HEATR5B: variants seen among roughly 807,000 people sequenced by gnomAD.
The protein encoded by HEATR5B is HEAT repeat containing 5B, also known as HEAT repeat-containing protein 5B.
A neutral mutation model predicts 224.1 loss-of-function variants in HEATR5B; 156 were observed. The ratio of observed to expected loss-of-function variants is 0.70; its 90% CI spans 0.61 to 0.80. The LOEUF (loss-of-function observed/expected upper bound fraction) is 0.80. Among genes scored for constraint, HEATR5B ranks in the 30% least tolerant of loss-of-function variants. HEATR5B has a pLI of 0.00. For missense variants in HEATR5B, 2,323 were observed against 2,535.5 expected, an observed-to-expected ratio of 0.92 and a Z score of 1.80; for synonymous variants, 1,027 against 893.0, an observed-to-expected ratio of 1.15 and a Z score of -2.68.
At chr2:37,073,931 CAG>C (rs1672064173) in intron 5 of HEATR5B, among the ~76,000 whole-genome samples, 1 of 152,158 alleles carries the variant, frequency 6.6e-6, no homozygotes, top group Non-Finnish European at 1.5e-5. Context: ...TGAAACAGCA[CAG>C]AGAGTCCAAA....
intron 22 of HEATR5B, among the ~76,000 whole-genome samples, chr2:37,030,936 C>T (rs190442365): frequency 5.1e-4 from 78 of 152,284 alleles, no homozygotes; most frequent in African/African-American, 1.1e-3. Context: ...AAAAGTGGCT[C>T]GCTGTACCTA....
At chr2:37,077,604 G>A (rs1329442645) in intron 3 of HEATR5B, among the ~76,000 whole-genome samples, 4 of 152,206 alleles carry the variant, frequency 2.6e-5, no homozygotes, top group African/African-American at 4.8e-5. Flanking sequence ...CACAGCGCCC[G>A]GCCCCTAAGC....
intron 34 of HEATR5B, 40 bp from the exon 35 acceptor site, chr2:36,988,899 GTTC>G (rs1201570430): frequency 7.0e-7 from 1 of 1,435,506 alleles, no homozygotes; most frequent in Admixed American, 1.7e-5. Flanking sequence ...CATGTGTATA[GTTC>G]TTATTTGCTC....
chr2:37,059,440 G>A (rs1366876964), intron 12 of HEATR5B, among the ~76,000 whole-genome samples: 77 of 64,702 alleles, frequency 1.2e-3, no homozygotes, highest in African/African-American at 4.0e-3. Context: ...GTGTGTGTGT[G>A]TGTGTGTATA....
Position 37,038,709 on chromosome 2 carries a change from C to A in HEATR5B, c.3047-685G>T, listed in dbSNP as rs557142581. 2.3e-4 allele frequency among the ~76,000 whole-genome samples: 35 copies of A among 152,190 alleles called. No individual in the cohort carries two copies. In the South Asian group the frequency reaches 5.2e-3, roughly 23 times the overall value. ...CCTATAATACCAGCATTTTGGGAGG[C>A]CTAGGCGGACGAATCACCTGAGGTC... On this transcript the variant is annotated intron_variant, in intron 20 of 35. Coordinates refer to ENST00000233099, the MANE Select transcript of HEATR5B (RefSeq NM_019024.3).
At chr2:36,992,506 T>C (rs1022105769) in intron 33 of HEATR5B, among the ~76,000 whole-genome samples, 1 of 150,922 alleles carries the variant, frequency 6.6e-6, no homozygotes, top group Non-Finnish European at 1.5e-5. Context: ...ACTTTAGCCC[T>C]AGAGGTTAAG....
Position 36,990,657 on chromosome 2 carries a change from G to A in HEATR5B, c.5688C>T (p.Cys1896=), listed in dbSNP as rs781501617. 4.4e-6 allele frequency: 7 copies of A among 1,584,052 alleles called. No homozygotes were observed. Among genetic ancestry groups the A allele is most frequent in the African/African-American group, 2.7e-5 (2 of 73,814 alleles). The change falls in exon 34 of 36, where the codon TGC becomes TGT. Residue 1896 remains cysteine, a synonymous_variant. Coordinates refer to ENST00000233099, the MANE Select transcript of HEATR5B (RefSeq NM_019024.3). Reference sequence around the variant, plus strand: ...GTAACGTGTAACTTACCCATGGGTCGCATGAATTTAATGCATTTTTAAATC... The same window carrying A: ...GTAACGTGTAACTTACCCATGGGTCACATGAATTTAATGCATTTTTAAATC... ...MNRFKNALNS[C]DPWVQAKCYQ... is the part of the protein sequence containing the mutation.
Position 37,002,417 on chromosome 2 carries a change from C to A in HEATR5B, c.5206G>T (p.Asp1736Tyr). 6.2e-7 allele frequency: 1 copy of A among 1,614,224 alleles called. No individual in the cohort carries two copies. Among genetic ancestry groups the A allele is most frequent in the Non-Finnish European group, 8.5e-7 (1 of 1,180,048 alleles). Residue 1736 changes from aspartate (D) to tyrosine (Y), a missense_variant, in exon 32 of 36, where the codon GAC (aspartate) becomes TAC (tyrosine). Around this residue, in one of 12 missense-constraint regions of HEATR5B, gnomAD observed 844 missense variants for 812.9 expected, o/e 1.04. Coordinates refer to ENST00000233099, the MANE Select transcript of HEATR5B (RefSeq NM_019024.3). ...TTAGTGGCTATGTGACTTGGAGAGT[C>A]TGACACCTTGGTACTGAGATGTGGC... is the stretch of plus-strand genomic sequence containing the variant. Reference protein sequence around the residue: ...HMPHLSTKVSDSPSHIATKTR... With the variant: ...HMPHLSTKVSYSPSHIATKTR...
chr2:37,013,418 T>C (rs1667914904), intron 27 of HEATR5B, among the ~76,000 whole-genome samples: 1 of 152,214 alleles, frequency 6.6e-6, no homozygotes, highest in Non-Finnish European at 1.5e-5. Context: ...GGCACTGTGG[T>C]GCGTGCCTGC....
chr2:37,014,289 G>T (rs1222265853), intron 26 of HEATR5B, among the ~76,000 whole-genome samples: 1 of 151,754 alleles, frequency 6.6e-6, no homozygotes, highest in Non-Finnish European at 1.5e-5. Flanking sequence ...AGCCTCCCAA[G>T]TAGCTGGGAC....
In HEATR5B at chr2:36,981,353, T is replaced by A. The variant is rs551198224; in HGVS notation, c.*137A>T. ...ATCAATAAGTGGTGTGAGCATTATT[T>A]CACTTAACCTACTTGGAAGCACTAT... On this transcript the variant is annotated 3_prime_UTR_variant, in exon 36 of 36. Transcript: ENST00000233099. 7.3e-6 allele frequency: 4 copies of A among 548,094 alleles called. No homozygotes were observed. The East Asian group carries it at 1.3e-4, about 17-fold the overall frequency. The allele number at this position is 548,094 out of a possible 1,614,324, so 34.0% of individuals were successfully genotyped here.
chr2:37,068,702 C>A lies in HEATR5B; in HGVS notation c.1156G>T (p.Gly386Ter). 6.2e-7 allele frequency: 1 copy of A among 1,614,000 alleles called. No homozygotes were observed. The highest frequency in any genetic ancestry group is 8.5e-7 in the Non-Finnish European group (1 of 1,179,982). ...AAAKEICQAIGKQMKAVEAVV... is the reference protein window; with the variant it reads ...AAAKEICQAI Reference sequence around the variant, plus strand: ...TTACCTACGGCTTTCATTTGTTTTCCAATAGCTTGGCAGATTTCTTTGGCA... The same window carrying A: ...TTACCTACGGCTTTCATTTGTTTTCAAATAGCTTGGCAGATTTCTTTGGCA... The change falls in exon 8 of 36, where the codon GGA (glycine) becomes TGA (stop). Residue 386 changes from glycine to a stop codon, truncating the protein, a stop_gained. Coordinates refer to ENST00000233099, the MANE Select transcript of HEATR5B (RefSeq NM_019024.3). LOFTEE classifies it high-confidence loss of function.
rs1332227690 is a variant in HEATR5B, at chr2:37,051,554, T to C, written c.2506-1711A>G. On this transcript the variant is annotated intron_variant, in intron 17 of 35. Transcript: ENST00000233099. The stretch of plus-strand genomic sequence containing the variant: ...TAACTACAACAGAGGCATTAGCATA[T>C]CTATGAAGAAAAGTGTAATCTGTAC... Among the ~76,000 whole-genome samples the C allele has an allele frequency of 2.0e-5, 3 of 151,952 alleles. No homozygotes were observed. The East Asian group carries it at 5.8e-4, about 29-fold the overall frequency.
At chr2:37,068,257 G>A (rs562153455) in intron 8 of HEATR5B, among the ~76,000 whole-genome samples, 23 of 152,098 alleles carry the variant, frequency 1.5e-4, no homozygotes, top group South Asian at 1.0e-3. Context: ...ATCTTACAGC[G>A]GGCTAATAAC....
At chr2:37,021,800 T>A (rs1282897654) in intron 24 of HEATR5B, among the ~76,000 whole-genome samples, 1 of 150,404 alleles carries the variant, frequency 6.6e-6, no homozygotes, top group African/African-American at 2.5e-5. Flanking sequence ...GGTAGGAGGA[T>A]CCTTTGAACC....
intron 24 of HEATR5B, 137 bp downstream of exon 24, chr2:37,027,786 A>C: frequency 2.3e-6 from 2 of 857,756 alleles, no homozygotes; most frequent in Non-Finnish European, 3.6e-6. Flanking sequence ...AACTAAGATG[A>C]AAGGCAAGAG....
At chr2:37,006,372 T>C (rs2110999) in intron 29 of HEATR5B, among the ~76,000 whole-genome samples, 143,929 of 152,294 alleles carry the variant, frequency 0.95, 68,111 homozygotes, top group East Asian at 1. Context: ...TATAGCTGGG[T>C]GCAGTGGCTC....
intron 5 of HEATR5B, 137 bp downstream of exon 5, chr2:37,075,348 T>C (rs1359092716): frequency 4.9e-6 from 3 of 613,042 alleles, no homozygotes; most frequent in Non-Finnish European, 8.4e-6. Flanking sequence ...GTGATACTAT[T>C]ATATATAATT....
intron 6 of HEATR5B, among the ~76,000 whole-genome samples, chr2:37,071,807 C>A (rs146133802): frequency 4.8e-4 from 73 of 152,108 alleles, no homozygotes; most frequent in Admixed American, 1.5e-3. Context: ...GCCTCAGCCT[C>A]CCAAGTAGCT....
Sources: allele counts gnomAD v4.1 joint callset (sites outside exome capture counted in the v4.1 genomes callset), GRCh38; gene constraint gnomAD v4.1.1; regional missense constraint gnomAD v4.1.1; transcripts MANE v1.5; gene names NCBI Gene and HGNC (gene_info 2026-07-23, HGNC 2026-07-21).